Variants in LINGO2 observed in about 807,000 individuals in gnomAD.
LINGO2 encodes leucine-rich repeat and immunoglobulin-like domain-containing nogo receptor-interacting protein 2.
In LINGO2, 14 loss-of-function variants were observed where a neutral mutation model predicts 30.6. The observed-to-expected ratio is 0.46, with a 90% CI of 0.30 to 0.72. The LOEUF is 0.72. LINGO2 is among the 30% of genes least tolerant of loss of function. LINGO2 has a pLI of 0.07. For synonymous variants in LINGO2, 317 were observed against 288.5 expected (o/e 1.10, Z -1.00); for missense variants, 729 against 751.7 (o/e 0.97, Z 0.35).
chr9:29,122,940 A>G, the LINGO2 span, among the ~76,000 whole-genome samples: 2 of 152,130 alleles, frequency 1.3e-5, no homozygotes, highest in East Asian at 1.9e-4. Context: ...GATACATACA[A>G]ATCACCTACA....
the LINGO2 span, among the ~76,000 whole-genome samples, chr9:28,957,914 C>T: frequency 2.6e-4 from 40 of 152,148 alleles, no homozygotes; most frequent in Non-Finnish European, 4.6e-4. Context: ...CTTATAGCAT[C>T]TGAATGCTTA....
At chr9:28,788,125 A>T in the LINGO2 span, among the ~76,000 whole-genome samples, 2 of 152,220 alleles carry the variant, frequency 1.3e-5, no homozygotes, top group African/African-American at 2.4e-5. Flanking sequence ...CACAAAAAAG[A>T]TATCTACAAA....
chr9:27,987,940 C>T (rs1038065813), intron 5 of LINGO2, among the ~76,000 whole-genome samples: 10 of 151,950 alleles, frequency 6.6e-5, no homozygotes, highest in African/African-American at 2.4e-4. Flanking sequence ...GCCATGTTGG[C>T]GTGCTGCATC....
chr9:28,120,391 C>G (rs1051835227), intron 4 of LINGO2, among the ~76,000 whole-genome samples: 3 of 152,174 alleles, frequency 2.0e-5, no homozygotes, highest in Admixed American at 6.5e-5. Flanking sequence ...GAAGGAGCTC[C>G]TGTGAGGACT....
chr9:28,254,822 A>C (rs556951052), intron 4 of LINGO2, among the ~76,000 whole-genome samples: 1 of 152,162 alleles, frequency 6.6e-6, no homozygotes, highest in African/African-American at 2.4e-5. Flanking sequence ...ATAGGTAAAA[A>C]CTTGTGTCAT....
At chr9:28,646,748 T>C (rs1283811689) in intron 1 of LINGO2, among the ~76,000 whole-genome samples, 3 of 152,250 alleles carry the variant, frequency 2.0e-5, no homozygotes, top group East Asian at 1.9e-4. Flanking sequence ...ACAATTATTA[T>C]AACATCAAAG....
chr9:29,211,283 CTTTCA>C, the LINGO2 span, among the ~76,000 whole-genome samples: 2 of 152,152 alleles, frequency 1.3e-5, no homozygotes, highest in East Asian at 1.9e-4. Flanking sequence ...AATAAGCACT[CTTTCA>C]TTTATTTATT....
chr9:28,619,771 G>A (rs1200320260), intron 1 of LINGO2, among the ~76,000 whole-genome samples: 1 of 152,014 alleles, frequency 6.6e-6, no homozygotes, highest in African/African-American at 2.4e-5. Flanking sequence ...CACTATTTTT[G>A]TAAGTGGTAG....
At chr9:29,076,704 G>A in the LINGO2 span, among the ~76,000 whole-genome samples, 1 of 150,356 alleles carries the variant, frequency 6.7e-6, no homozygotes, top group East Asian at 1.9e-4. Flanking sequence ...TAAGGGACAG[G>A]GTTAGGATTC....
the LINGO2 span, among the ~76,000 whole-genome samples, chr9:29,213,233 C>T: frequency 6.4e-4 from 98 of 152,302 alleles, no homozygotes; most frequent in Non-Finnish European, 9.7e-4. Flanking sequence ...AATTCCCTGG[C>T]ATCAGGCAGG....
At chr9:28,772,609 T>C in the LINGO2 span, among the ~76,000 whole-genome samples, 1 of 152,248 alleles carries the variant, frequency 6.6e-6, no homozygotes, top group Non-Finnish European at 1.5e-5. Context: ...GCTGAAAGCA[T>C]ACCTTATTTC....
chr9:28,690,370 G>C, the LINGO2 span, among the ~76,000 whole-genome samples: 14 of 152,266 alleles, frequency 9.2e-5, no homozygotes, highest in African/African-American at 3.4e-4. Context: ...AAAATTGTGA[G>C]ATAAAAATGC....
At chr9:28,100,144 T>C (rs910456113) in intron 4 of LINGO2, among the ~76,000 whole-genome samples, 9 of 152,162 alleles carry the variant, frequency 5.9e-5, no homozygotes, top group African/African-American at 1.7e-4. Context: ...TGGTATATAC[T>C]TCACACCTAG....
intron 5 of LINGO2, among the ~76,000 whole-genome samples, chr9:27,993,930 A>T (rs1821525497): frequency 6.6e-6 from 1 of 152,136 alleles, no homozygotes; most frequent in Non-Finnish European, 1.5e-5. Flanking sequence ...ACAAATTAAA[A>T]AAAAAAATCA....
chr9:28,559,525 C>G (rs1335885552), intron 1 of LINGO2, among the ~76,000 whole-genome samples: 1 of 152,108 alleles, frequency 6.6e-6, no homozygotes, highest in Non-Finnish European at 1.5e-5. Context: ...TTCCAAGATC[C>G]TACAGTACAT....
intron 5 of LINGO2, among the ~76,000 whole-genome samples, chr9:27,988,867 C>T (rs372821109): frequency 1.3e-5 from 2 of 151,786 alleles, no homozygotes; most frequent in African/African-American, 4.8e-5. Context: ...CACCCTCATC[C>T]AATTAATCAG....
chr9:28,397,537 A>G (rs1046971469), intron 2 of LINGO2, among the ~76,000 whole-genome samples: 9 of 145,834 alleles, frequency 6.2e-5, no homozygotes, highest in Non-Finnish European at 1.2e-4. Context: ...GCTGTACAAT[A>G]GATGTCTTTT....
intron 2 of LINGO2, among the ~76,000 whole-genome samples, chr9:28,397,789 C>T (rs1822111793): frequency 6.6e-6 from 1 of 152,040 alleles, no homozygotes; most frequent in Admixed American, 6.6e-5. Flanking sequence ...CCTCGTGATC[C>T]ACTTGCCTCA....
At chr9:28,769,494 A>T in the LINGO2 span, among the ~76,000 whole-genome samples, 3 of 16,260 alleles carry the variant, frequency 1.8e-4, no homozygotes, top group African/African-American at 8.4e-4. Flanking sequence ...ATATATATAT[A>T]TATATATATA....
Sources: allele counts gnomAD v4.1 joint callset (sites outside exome capture counted in the v4.1 genomes callset), GRCh38; gene constraint gnomAD v4.1.1; transcripts MANE v1.5; gene names NCBI Gene and HGNC (gene_info 2026-07-23, HGNC 2026-07-21).